MAF: variants seen among roughly 807,000 people sequenced by gnomAD.
The protein encoded by MAF is transcription factor Maf.
In MAF, 10 loss-of-function variants were observed where a neutral mutation model predicts 22.0. That is an observed-to-expected ratio of 0.45 (90% confidence interval 0.28 to 0.77). MAF has a LOEUF of 0.77. Among genes scored for constraint, MAF ranks in the 30% least tolerant of loss-of-function variants. MAF has a pLI of 0.12. For synonymous variants in MAF, 337 were observed against 255.8 expected (o/e 1.32, Z -3.03); for missense variants, 544 against 548.4 (o/e 0.99, Z 0.08).
the MAF span, among the ~76,000 whole-genome samples, chr16:79,373,948 G>C: frequency 1.3e-5 from 2 of 152,172 alleles, no homozygotes; most frequent in Middle Eastern, 3.2e-3. Context: ...AAATTAGTAA[G>C]TCCAAGAAAA....
chr16:79,370,347 T>A, the MAF span, among the ~76,000 whole-genome samples: 1 of 152,178 alleles, frequency 6.6e-6, no homozygotes, highest in African/African-American at 2.4e-5. Flanking sequence ...CAAAATCCCT[T>A]AAAACACCCC....
chr16:79,529,226 C>T, the MAF span, among the ~76,000 whole-genome samples: 1 of 152,164 alleles, frequency 6.6e-6, no homozygotes, highest in African/African-American at 2.4e-5. Flanking sequence ...TCATCAGTTA[C>T]ACCTTCCCAT....
chr16:79,223,171 G>C, the MAF span, among the ~76,000 whole-genome samples: 2 of 152,176 alleles, frequency 1.3e-5, no homozygotes, highest in Non-Finnish European at 2.9e-5. Context: ...CAGTCTCTCA[G>C]ACCACAGTGC....
the MAF span, among the ~76,000 whole-genome samples, chr16:79,478,003 G>A: frequency 3.3e-5 from 5 of 152,156 alleles, no homozygotes; most frequent in Admixed American, 3.3e-4. Flanking sequence ...TTACAGGTGT[G>A]AGCCACTGCG....
the MAF span, among the ~76,000 whole-genome samples, chr16:79,209,013 G>T: frequency 1.3e-5 from 2 of 152,212 alleles, no homozygotes; most frequent in African/African-American, 4.8e-5. Flanking sequence ...AGAGAAGGTC[G>T]TCTTTGCTTT....
chr16:79,232,899 G>A, the MAF span, among the ~76,000 whole-genome samples: 2 of 144,034 alleles, frequency 1.4e-5, no homozygotes, highest in African/African-American at 5.3e-5. Flanking sequence ...GGAGTGCAGT[G>A]GCACCATCTT....
the MAF span, among the ~76,000 whole-genome samples, chr16:79,331,809 T>A: frequency 2.8e-4 from 42 of 152,208 alleles, no homozygotes; most frequent in African/African-American, 9.4e-4. Flanking sequence ...CACACTCCTA[T>A]CCCTTTTGCC....
chr16:79,323,207 T>C, the MAF span, among the ~76,000 whole-genome samples: 1 of 97,972 alleles, frequency 1.0e-5, no homozygotes, highest in South Asian at 3.7e-4. Flanking sequence ...GCACTAGTGA[T>C]GATAAGAGTT....
the MAF span, among the ~76,000 whole-genome samples, chr16:79,347,681 T>C: frequency 4.6e-5 from 7 of 152,080 alleles, no homozygotes; most frequent in African/African-American, 1.7e-4. Flanking sequence ...CTGGGGACAG[T>C]CCGGCCATTA....
chr16:79,224,091 C>G, the MAF span, among the ~76,000 whole-genome samples: 2 of 152,192 alleles, frequency 1.3e-5, no homozygotes, highest in African/African-American at 2.4e-5. Flanking sequence ...CCCTGATGAA[C>G]ATTGCTGCGA....
chr16:79,341,832 T>G, the MAF span, among the ~76,000 whole-genome samples: 1 of 151,816 alleles, frequency 6.6e-6, no homozygotes. Flanking sequence ...ACTTGGAGAG[T>G]TGAGACTCAT....
the MAF span, among the ~76,000 whole-genome samples, chr16:79,233,355 G>T: frequency 6.6e-6 from 1 of 151,984 alleles, no homozygotes; most frequent in Non-Finnish European, 1.5e-5. Context: ...GTAGACCTAT[G>T]AAATGATCAT....
the MAF span, among the ~76,000 whole-genome samples, chr16:79,272,888 G>C: frequency 3.9e-5 from 6 of 152,190 alleles, no homozygotes; most frequent in African/African-American, 1.4e-4. Flanking sequence ...TTGCTTGATT[G>C]ACCCCCTTGC....
the MAF span, among the ~76,000 whole-genome samples, chr16:79,445,205 T>C: frequency 1.2e-5 from 1 of 83,626 alleles, no homozygotes; most frequent in African/African-American, 3.7e-5. Context: ...GTCTAATTTT[T>C]TGTATTTTTT....
At chr16:79,203,678 C>G in the MAF span, 1 of 152,128 alleles carries the variant, frequency 6.6e-6, no homozygotes, top group Non-Finnish European at 1.5e-5. Context: ...CGTAATTTTG[C>G]AGGCAGACTT....
chr16:79,229,913 T>C, the MAF span, among the ~76,000 whole-genome samples: 2 of 152,180 alleles, frequency 1.3e-5, no homozygotes, highest in East Asian at 3.9e-4. Context: ...ACTTCGTTTT[T>C]ATAGGCCTTT....
chr16:79,465,142 T>C, the MAF span, among the ~76,000 whole-genome samples: 18 of 152,166 alleles, frequency 1.2e-4, no homozygotes, highest in Non-Finnish European at 1.5e-5. Context: ...CTATGGGGAA[T>C]TGGTTCCAGG....
the MAF span, among the ~76,000 whole-genome samples, chr16:79,522,081 G>C: frequency 6.6e-6 from 1 of 152,176 alleles, no homozygotes; most frequent in African/African-American, 2.4e-5. Context: ...TCTGAGGTGT[G>C]TAGGGGGATA....
At chr16:79,326,336 G>A in the MAF span, among the ~76,000 whole-genome samples, 1 of 152,104 alleles carries the variant, frequency 6.6e-6, no homozygotes, top group Non-Finnish European at 1.5e-5. Flanking sequence ...ATAAATTTAA[G>A]ATGTTTTGTC....
Sources: allele counts gnomAD v4.1 joint callset (sites outside exome capture counted in the v4.1 genomes callset), GRCh38; gene constraint gnomAD v4.1.1; transcripts MANE v1.5; gene names NCBI Gene and HGNC (gene_info 2026-07-23, HGNC 2026-07-21).